Variants in ANKFN1 observed in about 807,000 individuals in gnomAD.
ANKFN1 encodes ankyrin repeat and fibronectin type III domain containing 1, also known as ankyrin repeat and fibronectin type-III domain-containing protein 1.
In ANKFN1, 74 loss-of-function variants were observed where a neutral mutation model predicts 108.7. The observed-to-expected ratio is 0.68, with a 90% CI of 0.56 to 0.83. ANKFN1 has a LOEUF of 0.83. Ranked by LOEUF, ANKFN1 falls within the 40% of genes least tolerant of loss-of-function variation. The probability of loss-of-function intolerance (pLI) is 0.00; values close to 1 mark genes in which losing one functional copy is unlikely to be tolerated. For synonymous variants in ANKFN1, 547 were observed against 516.2 expected (o/e 1.06, Z -0.81); for missense variants, 1,505 against 1,382.3 (o/e 1.09, Z -1.41).
upstream of ANKFN1, chr17:56,153,338 C>A (rs1490804323): frequency 2.8e-6 from 2 of 706,102 alleles, no homozygotes; most frequent in Non-Finnish European, 5.0e-6. Context: ...CTTGACCCTG[C>A]ACTGTAATCT....
intron 8 of ANKFN1, among the ~76,000 whole-genome samples, chr17:56,421,679 G>T (rs1029916712): frequency 1.3e-5 from 2 of 152,200 alleles, no homozygotes; most frequent in African/African-American, 4.8e-5. Context: ...ACAGACTCCA[G>T]ATTAAGAAGT....
Position 56,511,099 on chromosome 17 carries a change from T to C in ANKFN1, c.3271T>C (p.Tyr1091His). The part of the protein sequence containing the change: ...QDARPSVRRL[Y>H]VEPYAAAVVA... Reference sequence around the variant, plus strand: ...CGCGAGGCCTTCCGTCCGCCGCCTCTACGTGGAGCCCTACGCAGCGGCCGT... The same window carrying C: ...CGCGAGGCCTTCCGTCCGCCGCCTCCACGTGGAGCCCTACGCAGCGGCCGT... The change falls in exon 21 of 21, where the codon TAC becomes CAC. Residue 1091 changes from tyrosine (Y) to histidine (H), a missense_variant. Transcript: ENST00000682825. 1 of 1,535,994 alleles carries C rather than the reference T, an allele frequency of 6.5e-7. No homozygotes were observed. The highest frequency in any genetic ancestry group is 1.4e-5 in the African/African-American group (1 of 73,168).
chr17:56,055,566 C>CATATATATAT (rs1355346286), intron 4 of ANKFN1, among the ~76,000 whole-genome samples: 1,803 of 47,320 alleles, frequency 0.038, 241 homozygotes, highest in Non-Finnish European at 0.044. Flanking sequence ...GGTATATATA[C>CATATATATAT]ATATATATAT....
chr17:56,496,097 G>C (rs1475990431), intron 19 of ANKFN1, among the ~76,000 whole-genome samples: 5 of 152,034 alleles, frequency 3.3e-5, no homozygotes, highest in Non-Finnish European at 1.5e-5. Context: ...AAGGTAAAAT[G>C]GGTGAAAATT....
chr17:56,088,844 G>A (rs765434715), intron 4 of ANKFN1, among the ~76,000 whole-genome samples: 1 of 151,324 alleles, frequency 6.6e-6, no homozygotes, highest in Non-Finnish European at 1.5e-5. Flanking sequence ...ACCTCACAAG[G>A]CTAATAGCTT....
chr17:56,144,506 A>T (rs1028309189), intron 4 of ANKFN1, among the ~76,000 whole-genome samples: 2 of 152,238 alleles, frequency 1.3e-5, no homozygotes, highest in Non-Finnish European at 1.5e-5. Flanking sequence ...TAGCTTGGGT[A>T]CTCTGATTTA....
In ANKFN1 at chr17:56,510,757, G is replaced by A; in HGVS notation, c.2929G>A (p.Gly977Arg). ...GTTTCTCCATAGCCTGACCCTCACG[G>A]GGTTCACACCCAAGAACCACGCCAA... ...AEFLHSLTLT[G>R]FTPKNHAKTV... The change falls in exon 21 of 21, where the codon GGG becomes AGG. Residue 977 changes from glycine to arginine, a missense_variant. Coordinates refer to ENST00000682825, the MANE Select transcript of ANKFN1 (RefSeq NM_001370326.1). 2.0e-6 allele frequency: 3 copies of A among 1,536,114 alleles called. No homozygotes were observed. Among genetic ancestry groups the A allele is most frequent in the Non-Finnish European group, 2.6e-6 (3 of 1,146,900 alleles).
intron 4 of ANKFN1, among the ~76,000 whole-genome samples, chr17:56,069,570 T>C (rs1598087617): frequency 1.3e-5 from 2 of 152,304 alleles, no homozygotes; most frequent in Middle Eastern, 3.4e-3. Flanking sequence ...AACTGGAGTT[T>C]GGAGGGTATG....
At chr17:56,367,681 A>G (rs148768202) in intron 6 of ANKFN1, among the ~76,000 whole-genome samples, 140 of 152,292 alleles carry the variant, frequency 9.2e-4, no homozygotes, top group Middle Eastern at 3.4e-3. Flanking sequence ...AGAAGGAACC[A>G]ACTGCAATGA....
chr17:56,252,624 T>C (rs538760738), intron 3 of ANKFN1, among the ~76,000 whole-genome samples: 1 of 140,446 alleles, frequency 7.1e-6, no homozygotes, highest in African/African-American at 2.7e-5. Context: ...AGTAATTTTT[T>C]AAAATTAGCT....
At chr17:56,444,673 G>A (rs576479513) in intron 10 of ANKFN1, among the ~76,000 whole-genome samples, 58 of 152,234 alleles carry the variant, frequency 3.8e-4, no homozygotes, top group African/African-American at 1.4e-3. Flanking sequence ...ATCTTCGTAA[G>A]GTACCTCTTG....
chr17:56,149,453 AG>A (rs201238581), upstream of ANKFN1, among the ~76,000 whole-genome samples: 3,711 of 152,312 alleles, frequency 0.024, 136 homozygotes, highest in African/African-American at 0.084. Context: ...AGTTCTCAGG[AG>A]GTACAGTCAC....
intron 13 of ANKFN1, 97 bp from the exon 14 acceptor site, chr17:56,457,766 A>G: frequency 2.3e-6 from 2 of 863,534 alleles, no homozygotes; most frequent in Non-Finnish European, 3.8e-6. Flanking sequence ...AATAAACATC[A>G]GGGGTCAGAT....
chr17:56,327,189 A>G (rs2045540843), intron 4 of ANKFN1, among the ~76,000 whole-genome samples: 5 of 152,306 alleles, frequency 3.3e-5, no homozygotes, highest in Admixed American at 3.3e-4. Context: ...TTTCCTAAAT[A>G]AGAGGTAGGC....
intron 15 of ANKFN1, among the ~76,000 whole-genome samples, chr17:56,466,821 T>C (rs1401231932): frequency 6.6e-6 from 1 of 152,132 alleles, no homozygotes; most frequent in Non-Finnish European, 1.5e-5. Context: ...GTAAGAAACA[T>C]TGAGGCCAGG....
intron 4 of ANKFN1, among the ~76,000 whole-genome samples, chr17:56,345,680 A>C (rs1212972361): frequency 6.6e-6 from 1 of 152,158 alleles, no homozygotes; most frequent in Non-Finnish European, 1.5e-5. Flanking sequence ...TGTTGGCCAC[A>C]TAAATGTCTT....
intron 4 of ANKFN1, among the ~76,000 whole-genome samples, chr17:56,327,387 C>T (rs893666787): frequency 3.9e-5 from 6 of 152,192 alleles, no homozygotes; most frequent in African/African-American, 1.4e-4. Context: ...CTTTGGTGCA[C>T]TCTATCTGCA....
intron 1 of ANKFN1, among the ~76,000 whole-genome samples, chr17:56,180,066 T>C (rs1911541341): frequency 6.6e-6 from 1 of 152,128 alleles, no homozygotes; most frequent in Non-Finnish European, 1.5e-5. Context: ...GAAGAAGTGA[T>C]TTCTGGGGGA....
intron 4 of ANKFN1, among the ~76,000 whole-genome samples, chr17:56,064,952 TG>T (rs1284920598): frequency 4.6e-5 from 7 of 152,146 alleles, no homozygotes; most frequent in Non-Finnish European, 1.0e-4. Context: ...CCACCTTCCT[TG>T]GCAGGGGTGG....
Sources: gnomAD v4.1 joint callset for allele counts (sites outside exome capture counted in the v4.1 genomes callset) on GRCh38, gnomAD v4.1.1 for gene constraint, MANE v1.5 for transcripts, NCBI Gene and HGNC (gene_info 2026-07-23, HGNC 2026-07-21) for gene names.